The following SCAPER variants were observed in gnomAD, a reference collection of about 807,000 sequenced individuals.
SCAPER encodes the protein S-phase cyclin A associated protein in the ER.
SCAPER carries 98 observed loss-of-function variants against 182.2 expected under a neutral mutation model. The ratio of observed to expected loss-of-function variants is 0.54; its 90% CI spans 0.46 to 0.64. The LOEUF is 0.64. Ranked by LOEUF, SCAPER falls within the 30% of genes least tolerant of loss-of-function variation. SCAPER has a pLI of 0.00. For missense variants in SCAPER, 1,432 were observed against 1,690.0 expected (o/e 0.85, Z 2.68); for synonymous variants, 605 against 564.6 (o/e 1.07, Z -1.01).
chr15:76,423,395 G>A (rs1333498447), intron 26 of SCAPER, among the ~76,000 whole-genome samples: 1 of 152,192 alleles, frequency 6.6e-6, no homozygotes, highest in Non-Finnish European at 1.5e-5. Context: ...AGATTTTCTA[G>A]TTTATTTGCA....
chr15:76,786,326 CAAAAAA>C (rs35708368), intron 8 of SCAPER, among the ~76,000 whole-genome samples: 3 of 111,002 alleles, frequency 2.7e-5, no homozygotes, highest in African/African-American at 7.3e-5. Flanking sequence ...GACTCTGTCT[CAAAAAA>C]AAAAAAAAAA....
At position 76,753,665 on chromosome 15, in the gene SCAPER, G is replaced by A. The variant is rs1476416067; in HGVS notation, c.1866+143C>T. On this transcript the variant is annotated intron_variant, in intron 15 of 31. Coordinates refer to ENST00000563290, the MANE Select transcript of SCAPER (RefSeq NM_020843.4). Reference sequence around the variant, plus strand: ...TCAAAGGGATAAAATATTGCACCTGGTAAGTTTTAAATGAGTGTGTAAAAT... The same window carrying A: ...TCAAAGGGATAAAATATTGCACCTGATAAGTTTTAAATGAGTGTGTAAAAT... 1.4e-5 allele frequency: 12 copies of A among 873,134 alleles called. 1 individual carries two copies. In the East Asian group the frequency reaches 3.0e-4, roughly 22 times the overall value. The allele number at this position is 873,134 out of a possible 1,614,324, so 54.1% of individuals were successfully genotyped here.
intron 29 of SCAPER, among the ~76,000 whole-genome samples, chr15:76,364,229 T>G (rs1221633615): frequency 6.6e-6 from 1 of 152,064 alleles, no homozygotes; most frequent in Non-Finnish European, 1.5e-5. Context: ...ATTTCCAAAC[T>G]GAGATTAAGT....
intron 21 of SCAPER, among the ~76,000 whole-genome samples, chr15:76,646,101 A>G (rs1226591157): frequency 6.6e-6 from 1 of 152,138 alleles, no homozygotes; most frequent in African/African-American, 2.4e-5. Flanking sequence ...ATATCTAAAT[A>G]TCCACGAAGG....
chr15:76,411,315 T>C (rs1210673804), intron 26 of SCAPER, among the ~76,000 whole-genome samples: 1 of 152,128 alleles, frequency 6.6e-6, no homozygotes, highest in African/African-American at 2.4e-5. Context: ...CCCAAAACTT[T>C]CTGAGTATCA....
chr15:76,396,291 G>C lies in SCAPER; in HGVS notation c.3467+8233C>G, dbSNP rs1298562113. ...AGTTTTGTTCTTTTCCCTTAGGATA[G>C]CTTTGGCTATTCTGGGTCTTTTGTG... On this transcript the variant is annotated intron_variant, in intron 27 of 31. Coordinates refer to ENST00000563290, the MANE Select transcript of SCAPER (RefSeq NM_020843.4). Among the ~76,000 whole-genome samples, 4 of 152,258 alleles carry C rather than the reference G, an allele frequency of 2.6e-5. No individual in the cohort carries two copies. In the East Asian group the frequency reaches 7.7e-4, roughly 29 times the overall value.
chr15:76,420,107 C>A (rs1331576340), intron 26 of SCAPER, among the ~76,000 whole-genome samples: 1 of 152,070 alleles, frequency 6.6e-6, no homozygotes, highest in African/African-American at 2.4e-5. Flanking sequence ...AAAAAACTCT[C>A]AACAAATTCA....
chr15:76,356,255 A>AC (rs2040955242), intron 29 of SCAPER, among the ~76,000 whole-genome samples: 1 of 152,122 alleles, frequency 6.6e-6, no homozygotes, highest in African/African-American at 2.4e-5. Flanking sequence ...GCACAGATGA[A>AC]CCGTCAGCTG....
rs79830932 is a variant in SCAPER at position 76,660,355 on chromosome 15, G to A, written c.2645+5298C>T. Among the ~76,000 whole-genome samples the A allele has an allele frequency of 3.3e-5, 5 of 152,200 alleles. No individual in the cohort carries two copies. The East Asian group carries it at 5.8e-4, about 18-fold the overall frequency. On this transcript the variant is annotated intron_variant, in intron 21 of 31. Transcript: ENST00000563290. ...ATCCTGTGACATGCAATTAACCTAT[G>A]CAGTAAAGCTGCCCAAATACCCCTG...
At chr15:76,511,767 G>A (rs2042039975) in intron 23 of SCAPER, among the ~76,000 whole-genome samples, 1 of 151,634 alleles carries the variant, frequency 6.6e-6, no homozygotes, top group Non-Finnish European at 1.5e-5. Context: ...ACAGGGGACT[G>A]CACTCAGTAA....
rs1342539696 is a variant in SCAPER, at chr15:76,404,611, T to C, written c.3380A>G (p.Asp1127Gly). 6 of 1,613,496 alleles carry C rather than the reference T, an allele frequency of 3.7e-6. No individual in the cohort carries two copies. The highest frequency in any genetic ancestry group is 2.2e-5 in the East Asian group (1 of 44,868). Residue 1127 changes from aspartate to glycine, a missense_variant, in exon 27 of 32, where the codon GAT (aspartate) becomes GGT (glycine). Asp to Gly is a moderately conservative substitution (Grantham distance 94). Transcript: ENST00000563290. ...ACFLSVQGPV[D>G]ENPKMAIFLQ... ...AAATATGGCCATCTTGGGATTCTCA[T>C]CCACTGGGCCTTGCACCGAGAGGAA...
intron 7 of SCAPER, among the ~76,000 whole-genome samples, chr15:76,796,735 T>A (rs1430411500): frequency 6.6e-6 from 1 of 152,216 alleles, no homozygotes; most frequent in African/African-American, 2.4e-5. Flanking sequence ...CACACACCAA[T>A]GAAGTGCATT....
chr15:76,848,250 T>A (rs1182280051), intron 4 of SCAPER, among the ~76,000 whole-genome samples: 1 of 151,920 alleles, frequency 6.6e-6, no homozygotes. Flanking sequence ...CCTGCCCACC[T>A]CAGCCTCCCA....
chr15:76,571,957 CA>C (rs1261785337), intron 23 of SCAPER, among the ~76,000 whole-genome samples: 1 of 152,064 alleles, frequency 6.6e-6, no homozygotes, highest in Non-Finnish European at 1.5e-5. Flanking sequence ...ATAAAAGTAG[CA>C]AAAGGATCTT....
chr15:76,465,684 T>C (rs572823343), intron 25 of SCAPER, among the ~76,000 whole-genome samples: 1 of 152,184 alleles, frequency 6.6e-6, no homozygotes, highest in East Asian at 1.9e-4. Flanking sequence ...TGTTTTAATT[T>C]GGAGTTTTTT....
intron 3 of SCAPER, 126 bp from the exon 4 acceptor site, chr15:76,858,005 T>C (rs1383220846): frequency 6.0e-6 from 4 of 661,312 alleles, no homozygotes; most frequent in Non-Finnish European, 1.0e-5. Flanking sequence ...TAACATTTAA[T>C]CTCCTTCCAG....
chr15:76,820,537 A>G (rs926102401), intron 5 of SCAPER, among the ~76,000 whole-genome samples: 1 of 147,920 alleles, frequency 6.8e-6, no homozygotes, highest in African/African-American at 2.5e-5. Flanking sequence ...GGAATTGAAC[A>G]ATGAGAACAT....
Position 76,855,457 on chromosome 15 carries a change from CAAA to C in SCAPER, c.195+2349_195+2351del, listed in dbSNP as rs34226154. Among the ~76,000 whole-genome samples the C allele has an allele frequency of 6.8e-3, 796 of 116,288 alleles. 7 individuals are homozygous for C. The highest frequency in any genetic ancestry group is 0.028 in the African/African-American group (758 of 27,058). 76.3% of individuals were successfully genotyped at this position (116,288 alleles called of 152,430 possible). On this transcript the variant is annotated intron_variant, in intron 4 of 31. Transcript: ENST00000563290. ...ATTAAACTTAAGAGCTTCTGCACAG[CAAA>C]AAAAAAAAAAAAAAAAAAGTAAACA...
At chr15:76,568,424 T>A (rs2047200583) in intron 23 of SCAPER, among the ~76,000 whole-genome samples, 1 of 152,002 alleles carries the variant, frequency 6.6e-6, no homozygotes, top group South Asian at 2.1e-4. Context: ...GGCGCGATCT[T>A]GGCTCACTGC....
Sources: gnomAD v4.1 joint callset for allele counts (sites outside exome capture counted in the v4.1 genomes callset) on GRCh38, gnomAD v4.1.1 for gene constraint, MANE v1.5 for transcripts, NCBI Gene and HGNC (gene_info 2026-07-23, HGNC 2026-07-21) for gene names.